CHSY3: variants seen among roughly 807,000 people sequenced by gnomAD.
The protein encoded by CHSY3 is N-acetylgalactosaminyl-proteoglycan 3-beta-glucuronosyltransferase 3.
CHSY3 carries 35 observed loss-of-function variants against 67.2 expected under a neutral mutation model. The observed-to-expected ratio is 0.52, with a 90% CI of 0.40 to 0.69. CHSY3 has a LOEUF of 0.69. Among genes scored for constraint, CHSY3 ranks in the 30% least tolerant of loss-of-function variants. CHSY3 has a pLI of 0.00. For missense variants in CHSY3, 1,069 were observed against 1,138.5 expected (o/e 0.94, Z 0.88); for synonymous variants, 474 against 434.7 (o/e 1.09, Z -1.12).
At chr5:129,949,171 TAGAC>T (rs1427664624) in intron 2 of CHSY3, among the ~76,000 whole-genome samples, 2 of 152,104 alleles carry the variant, frequency 1.3e-5, no homozygotes, top group South Asian at 2.1e-4. Context: ...ATAAATTAGA[TAGAC>T]AGCAGCAACA....
intron 2 of CHSY3, among the ~76,000 whole-genome samples, chr5:130,074,695 T>G (rs1167840464): frequency 6.6e-6 from 1 of 152,192 alleles, no homozygotes; most frequent in Non-Finnish European, 1.5e-5. Flanking sequence ...AAATAATTTA[T>G]TAAAGATTAT....
At chr5:130,183,968 A>C (rs77441655) in intron 2 of CHSY3, among the ~76,000 whole-genome samples, 5,368 of 151,856 alleles carry the variant, frequency 0.035, 297 homozygotes, top group African/African-American at 0.12. Flanking sequence ...TCATCCCACT[A>C]TATGTATATT....
intron 2 of CHSY3, among the ~76,000 whole-genome samples, chr5:130,048,040 G>T (rs1427393557): frequency 6.8e-6 from 1 of 148,068 alleles, no homozygotes; most frequent in East Asian, 1.9e-4. Flanking sequence ...AAGGAAAGAG[G>T]AAAAGTTTTA....
At chr5:130,181,738 C>T (rs1447137137) in intron 2 of CHSY3, among the ~76,000 whole-genome samples, 1 of 152,078 alleles carries the variant, frequency 6.6e-6, no homozygotes, top group Admixed American at 6.6e-5. Context: ...AACAGCAAAC[C>T]ATATAGGTTA....
At chr5:129,953,624 C>T (rs1480718153) in intron 2 of CHSY3, among the ~76,000 whole-genome samples, 1 of 152,192 alleles carries the variant, frequency 6.6e-6, no homozygotes. Context: ...TATTTCTCCA[C>T]ATCCTCTTTA....
intron 2 of CHSY3, among the ~76,000 whole-genome samples, chr5:129,928,233 C>T (rs1761180923): frequency 7.7e-6 from 1 of 129,802 alleles, no homozygotes; most frequent in Non-Finnish European, 1.6e-5. Flanking sequence ...TACTCAACTT[C>T]ACTGATCATT....
intron 2 of CHSY3, among the ~76,000 whole-genome samples, chr5:130,116,275 G>T (rs757063497): frequency 6.6e-6 from 1 of 152,158 alleles, no homozygotes; most frequent in Non-Finnish European, 1.5e-5. Context: ...AAAAAACGTG[G>T]CAAGGATAGA....
intron 2 of CHSY3, among the ~76,000 whole-genome samples, chr5:130,026,039 CA>C (rs1208805485): frequency 6.6e-6 from 1 of 152,052 alleles, no homozygotes; most frequent in Admixed American, 6.6e-5. Context: ...AGGACCAGTA[CA>C]ATGAAGATGA....
chr5:130,029,104 C>T (rs1764638583), intron 2 of CHSY3, among the ~76,000 whole-genome samples: 1 of 152,104 alleles, frequency 6.6e-6, no homozygotes, highest in South Asian at 2.1e-4. Flanking sequence ...ATTACTACTT[C>T]TCTCTTACCC....
intron 2 of CHSY3, among the ~76,000 whole-genome samples, chr5:130,144,651 A>G (rs1440566354): frequency 6.6e-6 from 1 of 152,174 alleles, no homozygotes; most frequent in Non-Finnish European, 1.5e-5. Flanking sequence ...ATGGAAAAAA[A>G]ATCTTAATTT....
chr5:129,965,690 T>C (rs959140773), intron 2 of CHSY3, among the ~76,000 whole-genome samples: 23 of 151,904 alleles, frequency 1.5e-4, no homozygotes, highest in Non-Finnish European at 1.3e-4. Context: ...AACATATAAT[T>C]GATAAAGGGT....
At chr5:129,985,459 ATGCTTC>A (rs1763165889) in intron 2 of CHSY3, among the ~76,000 whole-genome samples, 1 of 149,900 alleles carries the variant, frequency 6.7e-6, no homozygotes, top group African/African-American at 2.4e-5. Context: ...AAGTAGTGTG[ATGCTTC>A]AGGCTTTGTT....
chr5:130,032,828 T>C (rs1764740873), intron 2 of CHSY3, among the ~76,000 whole-genome samples: 1 of 152,138 alleles, frequency 6.6e-6, no homozygotes, highest in Non-Finnish European at 1.5e-5. Context: ...CATTAACACC[T>C]GTGAAAGGAG....
intron 2 of CHSY3, among the ~76,000 whole-genome samples, chr5:130,074,752 C>G (rs1296819135): frequency 6.6e-6 from 1 of 152,066 alleles, no homozygotes; most frequent in Non-Finnish European, 1.5e-5. Context: ...ATGTTCAATA[C>G]TGACAGAAAA....
chr5:129,984,698 T>G (rs1763123054), intron 2 of CHSY3, among the ~76,000 whole-genome samples: 1 of 152,170 alleles, frequency 6.6e-6, no homozygotes, highest in African/African-American at 2.4e-5. Flanking sequence ...TTTTTTCACT[T>G]TTTAATAGTA....
intron 1 of CHSY3, among the ~76,000 whole-genome samples, chr5:129,906,377 AGCACCC>A (rs1298550578): frequency 1.3e-5 from 2 of 152,296 alleles, no homozygotes; most frequent in East Asian, 3.9e-4. Flanking sequence ...AAAAGAGGAA[AGCACCC>A]GCTAATAAGC....
chr5:130,063,195 G>A (rs1157828211), intron 2 of CHSY3, among the ~76,000 whole-genome samples: 1 of 151,964 alleles, frequency 6.6e-6, no homozygotes, highest in Non-Finnish European at 1.5e-5. Flanking sequence ...GTGAATATAT[G>A]TCTACTCGCC....
chr5:130,156,882 T>C (rs914972872), intron 2 of CHSY3, among the ~76,000 whole-genome samples: 7 of 152,226 alleles, frequency 4.6e-5, no homozygotes, highest in Middle Eastern at 3.2e-3. Context: ...ATCTATTCTG[T>C]GTGAAGACTC....
intron 2 of CHSY3, among the ~76,000 whole-genome samples, chr5:130,129,859 G>A (rs1444609616): frequency 6.6e-6 from 1 of 151,980 alleles, no homozygotes; most frequent in Non-Finnish European, 1.5e-5. Context: ...GCACATGAAA[G>A]TTCTCTAAAA....
Sources: gnomAD v4.1 joint callset for allele counts (sites outside exome capture counted in the v4.1 genomes callset) on GRCh38, gnomAD v4.1.1 for gene constraint, MANE v1.5 for transcripts, NCBI Gene and HGNC (gene_info 2026-07-23, HGNC 2026-07-21) for gene names.